MAP7: variants seen among roughly 807,000 people sequenced by gnomAD.
MAP7 encodes the protein ensconsin.
A neutral mutation model predicts 94.8 loss-of-function variants in MAP7; 52 were observed. The ratio of observed to expected loss-of-function variants is 0.55; its 90% CI spans 0.44 to 0.69. MAP7 has a LOEUF of 0.69. MAP7 is among the 30% of genes least tolerant of loss of function. The probability of loss-of-function intolerance (pLI) is 0.00; values close to 1 mark genes in which losing one functional copy is unlikely to be tolerated. For synonymous variants in MAP7, 350 were observed against 357.0 expected, an observed-to-expected ratio of 0.98 and a Z score of 0.22; for missense variants, 940 against 964.6, an observed-to-expected ratio of 0.97 and a Z score of 0.34.
chr6:136,444,625 A>G (rs905648157), intron 1 of MAP7, among the ~76,000 whole-genome samples: 2 of 152,200 alleles, frequency 1.3e-5, no homozygotes, highest in Non-Finnish European at 2.9e-5. Flanking sequence ...TGTTCCTTAT[A>G]ATTTGATACC....
intron 1 of MAP7, among the ~76,000 whole-genome samples, chr6:136,508,901 G>C (rs752759066): frequency 6.6e-6 from 1 of 152,164 alleles, no homozygotes; most frequent in African/African-American, 2.4e-5. Context: ...ATGACAGTAA[G>C]TGTCAGAAGA....
chr6:136,417,479 T>A (rs1360500345), intron 2 of MAP7, among the ~76,000 whole-genome samples: 2 of 152,254 alleles, frequency 1.3e-5, no homozygotes, highest in African/African-American at 4.8e-5. Flanking sequence ...GACTCATATG[T>A]AACAACTACT....
intron 1 of MAP7, among the ~76,000 whole-genome samples, chr6:136,529,175 C>T (rs890876895): frequency 4.6e-5 from 7 of 152,126 alleles, no homozygotes; most frequent in Non-Finnish European, 7.4e-5. Flanking sequence ...GGAGTGCAGT[C>T]GCAGTCTTGG....
At chr6:136,420,816 GAAA>G (rs71006799) in intron 2 of MAP7, among the ~76,000 whole-genome samples, 1,548 of 151,134 alleles carry the variant, frequency 0.01, 21 homozygotes, top group East Asian at 0.039. Context: ...TTTTCCACAT[GAAA>G]AAAAAAAAAT....
intron 5 of MAP7, among the ~76,000 whole-genome samples, chr6:136,384,870 C>G (rs1345092962): frequency 2.6e-5 from 4 of 152,102 alleles, no homozygotes; most frequent in Non-Finnish European, 4.4e-5. Context: ...GTATAGTAGA[C>G]CCAGGTTATA....
intron 17 of MAP7, among the ~76,000 whole-genome samples, 181 bp from the exon 18 acceptor site, chr6:136,344,419 A>G (rs1476601129): frequency 6.6e-6 from 1 of 152,208 alleles, no homozygotes; most frequent in Non-Finnish European, 1.5e-5. Flanking sequence ...TCTGTTACTC[A>G]TAGGAAACAT....
intron 1 of MAP7, among the ~76,000 whole-genome samples, chr6:136,471,044 T>C (rs916161343): frequency 6.6e-6 from 1 of 152,250 alleles, no homozygotes; most frequent in East Asian, 1.9e-4. Flanking sequence ...AGCTTGGCTA[T>C]TGTTATTTTA....
At chr6:136,416,242 A>C (rs1789365035) in intron 2 of MAP7, among the ~76,000 whole-genome samples, 7 of 152,218 alleles carry the variant, frequency 4.6e-5, no homozygotes, top group Admixed American at 4.6e-4. Flanking sequence ...AGAGCCTTTA[A>C]ACTTTTATTA....
At chr6:136,476,610 G>A (rs563443612) in intron 1 of MAP7, among the ~76,000 whole-genome samples, 3 of 152,124 alleles carry the variant, frequency 2.0e-5, no homozygotes, top group East Asian at 3.8e-4. Flanking sequence ...GTTCAAGTTC[G>A]TATGACTAGT....
intron 1 of MAP7, among the ~76,000 whole-genome samples, chr6:136,489,157 G>A (rs1815709161): frequency 6.9e-6 from 1 of 145,002 alleles, no homozygotes; most frequent in African/African-American, 2.7e-5. Context: ...TACCTTCCAA[G>A]AGTAGACTAG....
chr6:136,400,236 G>A (rs1783685328), intron 3 of MAP7, among the ~76,000 whole-genome samples: 1 of 152,052 alleles, frequency 6.6e-6, no homozygotes, highest in Non-Finnish European at 1.5e-5. Flanking sequence ...CTAACACAGT[G>A]AAACCCTGTC....
intron 1 of MAP7, among the ~76,000 whole-genome samples, chr6:136,470,099 C>T (rs1808460416): frequency 6.6e-6 from 1 of 152,108 alleles, no homozygotes; most frequent in South Asian, 2.1e-4. Flanking sequence ...CTTGTCTTGC[C>T]CCGCTAACAT....
chr6:136,390,165 A>G (rs948493037), intron 3 of MAP7, among the ~76,000 whole-genome samples: 1 of 152,188 alleles, frequency 6.6e-6, no homozygotes, highest in Non-Finnish European at 1.5e-5. Flanking sequence ...TTTATATAAT[A>G]CAGGTTCTTT....
At chr6:136,448,800 A>C (rs925067556) in intron 1 of MAP7, among the ~76,000 whole-genome samples, 2 of 152,196 alleles carry the variant, frequency 1.3e-5, no homozygotes, top group Admixed American at 1.3e-4. Context: ...ATGAAAAAGA[A>C]GAGAAAACAG....
intron 1 of MAP7, among the ~76,000 whole-genome samples, chr6:136,545,762 A>C (rs59284481): frequency 7.5e-6 from 1 of 132,702 alleles, no homozygotes. Context: ...AAACAAATTT[A>C]ATTTTTTTTT....
At chr6:136,445,565 T>G (rs1050595732) in intron 1 of MAP7, among the ~76,000 whole-genome samples, 2 of 152,254 alleles carry the variant, frequency 1.3e-5, no homozygotes, top group African/African-American at 4.8e-5. Context: ...CTATCTTGTG[T>G]TAATTTGATT....
At position 136,360,781 on chromosome 6, in the gene MAP7, G is replaced by C. The variant is rs1562309976; in HGVS notation, c.1719C>G (p.Arg573=). ...GGACCCTCTCTGCTTCTTCACGAAC[G>C]CGAGCTTCTTCTTCTTTCTGAAAAC... The part of the protein sequence containing the change: ...RAQRQKEEEA[R]VREEAERVRQ... The change falls in exon 13 of 18, where the codon CGC becomes CGG. Residue 573 remains arginine, a synonymous_variant. Coordinates refer to ENST00000354570, the MANE Select transcript of MAP7 (RefSeq NM_003980.6). The C allele has an allele frequency of 6.2e-7, 1 of 1,613,750 alleles. No individual in the cohort carries two copies.
At chr6:136,387,951 A>T (rs185015981) in intron 5 of MAP7, among the ~76,000 whole-genome samples, 55 of 152,338 alleles carry the variant, frequency 3.6e-4, no homozygotes, top group African/African-American at 1.2e-3. Context: ...ATATTTTCTT[A>T]CAGAGCATTA....
chr6:136,416,632 C>G (rs532786213), intron 2 of MAP7, among the ~76,000 whole-genome samples: 1 of 151,808 alleles, frequency 6.6e-6, no homozygotes, highest in Non-Finnish European at 1.5e-5. Flanking sequence ...ATGGCGAAAC[C>G]CTGTCTCTAC....
Sources: allele counts gnomAD v4.1 joint callset (sites outside exome capture counted in the v4.1 genomes callset), GRCh38; gene constraint gnomAD v4.1.1; transcripts MANE v1.5; gene names NCBI Gene and HGNC (gene_info 2026-07-23, HGNC 2026-07-21).